SLC25A48: variants seen among roughly 807,000 people sequenced by gnomAD.
SLC25A48 encodes the protein CTC-321K16.1.
SLC25A48 carries 29 observed loss-of-function variants against 32.2 expected under a neutral mutation model. That is an observed-to-expected ratio of 0.90 (90% CI 0.67 to 1.23). The LOEUF (loss-of-function observed/expected upper bound fraction) is 1.23, where lower values mean the gene tolerates loss of function less well. SLC25A48 is among the 50% of genes most tolerant of loss of function. SLC25A48 has a pLI of 0.00. For synonymous variants in SLC25A48, 164 were observed against 172.3 expected (o/e 0.95, Z 0.38); for missense variants, 399 against 422.7 (o/e 0.94, Z 0.49).
At chr5:135,750,528 T>C (rs1305965707) in intron 3 of SLC25A48, among the ~76,000 whole-genome samples, 1 of 152,062 alleles carries the variant, frequency 6.6e-6, no homozygotes, top group African/African-American at 2.4e-5. Context: ...CCATATTCTC[T>C]CCGTCAAAGC....
intron 4 of SLC25A48, among the ~76,000 whole-genome samples, chr5:135,861,441 C>T (rs1760789003): frequency 6.6e-6 from 1 of 152,136 alleles, no homozygotes; most frequent in South Asian, 2.1e-4. Flanking sequence ...TTAGACAGCT[C>T]ACCTAATGTC....
At chr5:135,764,179 GT>G (rs1196066052) in intron 3 of SLC25A48, among the ~76,000 whole-genome samples, 1 of 151,996 alleles carries the variant, frequency 6.6e-6, no homozygotes, top group Non-Finnish European at 1.5e-5. Flanking sequence ...ATGGCAGGGG[GT>G]GTACATCCCC....
chr5:135,861,313 G>GCA (rs10561751), intron 4 of SLC25A48, among the ~76,000 whole-genome samples: 16,575 of 145,624 alleles, frequency 0.11, 1,101 homozygotes, highest in East Asian at 0.16. Flanking sequence ...AAATACACAC[G>GCA]CACACACACA....
chr5:135,632,010 C>T (rs1157996870), intron 2 of SLC25A48, among the ~76,000 whole-genome samples: 6 of 152,196 alleles, frequency 3.9e-5, no homozygotes, highest in East Asian at 1.9e-4. Flanking sequence ...CTTCAGAGCC[C>T]CTCTACCTAT....
chr5:135,676,345 G>A (rs574417767), intron 3 of SLC25A48, among the ~76,000 whole-genome samples: 10 of 151,728 alleles, frequency 6.6e-5, no homozygotes, highest in East Asian at 1.9e-4. Context: ...TTTATTTTCC[G>A]ATTTTATTTA....
rs1365648625 is a variant in SLC25A48 at position 135,782,503 on chromosome 5, C to T, written c.-520-30020C>T. Among the ~76,000 whole-genome samples, 3 of 116,018 alleles carry T rather than the reference C, an allele frequency of 2.6e-5. 1 individual carries two copies. Among genetic ancestry groups the T allele is most frequent in the Non-Finnish European group, 2.1e-5 (1 of 47,030 alleles). 76.1% of individuals were successfully genotyped at this position (116,018 alleles called of 152,430 possible). On this transcript the variant is annotated intron_variant, in intron 3 of 10. Coordinates refer to the SLC25A48 transcript ENST00000646290. ...ATATTGCAGGGTGTGTACAACATCC[C>T]TGAGATTTTATTCCTAATATCCAGG...
intron 1 of SLC25A48, among the ~76,000 whole-genome samples, chr5:135,835,675 T>TTG (rs2126678354): frequency 9.7e-6 from 1 of 102,616 alleles, no homozygotes; most frequent in East Asian, 2.5e-4. Flanking sequence ...ACTTTGCTAA[T>TTG]TGTAAAAAAA....
intron 4 of SLC25A48, among the ~76,000 whole-genome samples, chr5:135,857,356 AG>A (rs1216294357): frequency 6.6e-6 from 1 of 152,216 alleles, no homozygotes; most frequent in Non-Finnish European, 1.5e-5. Flanking sequence ...GCCTCCAAGC[AG>A]GGTGCACAGC....
intron 3 of SLC25A48, among the ~76,000 whole-genome samples, chr5:135,731,483 A>G (rs143627741): frequency 0.01 from 1,539 of 152,252 alleles, 35 homozygotes; most frequent in African/African-American, 0.035. Context: ...GATAATGGGC[A>G]ATGTTTCTTG....
At chr5:135,883,128 G>GAGAA in intron 7 of SLC25A48, 1 of 985,490 alleles carries the variant, frequency 1.0e-6, no homozygotes, top group Non-Finnish European at 1.2e-6. Context: ...ATTTACTGAA[G>GAGAA]AGAAAGACTC....
chr5:135,593,990 C>A (rs1398183276), intron 1 of SLC25A48, among the ~76,000 whole-genome samples: 1 of 152,180 alleles, frequency 6.6e-6, no homozygotes, highest in Non-Finnish European at 1.5e-5. Context: ...TCTTGTTTAC[C>A]TGGCACAGTA....
intron 3 of SLC25A48, among the ~76,000 whole-genome samples, chr5:135,708,703 T>C (rs1580802920): frequency 6.6e-6 from 1 of 152,162 alleles, no homozygotes; most frequent in South Asian, 2.1e-4. Flanking sequence ...GAAGAAGTGG[T>C]TGCTGTGAGC....
chr5:135,653,169 G>C (rs1364782204), intron 3 of SLC25A48, among the ~76,000 whole-genome samples: 1 of 152,162 alleles, frequency 6.6e-6, no homozygotes, highest in Non-Finnish European at 1.5e-5. Context: ...ATAAATTTCT[G>C]TTCTTTATAA....
chr5:135,625,729 G>A (rs973135350), intron 1 of SLC25A48, among the ~76,000 whole-genome samples: 1 of 152,114 alleles, frequency 6.6e-6, no homozygotes, highest in African/African-American at 2.4e-5. Context: ...AGGTAGAACA[G>A]GGGGAAGAAG....
chr5:135,804,700 T>C (rs1000638209), intron 3 of SLC25A48, among the ~76,000 whole-genome samples: 8 of 151,614 alleles, frequency 5.3e-5, no homozygotes, highest in African/African-American at 1.9e-4. Flanking sequence ...GTACAGTCTG[T>C]GATATTATTC....
At chr5:135,885,465 T>A (rs1347781418) in intron 7 of SLC25A48, among the ~76,000 whole-genome samples, 1 of 152,176 alleles carries the variant, frequency 6.6e-6, no homozygotes, top group Middle Eastern at 3.2e-3. Context: ...CCAGCTCAGA[T>A]GCTTTAAGCC....
chr5:135,620,357 A>G (rs967941255), intron 1 of SLC25A48, among the ~76,000 whole-genome samples: 2 of 152,030 alleles, frequency 1.3e-5, no homozygotes, highest in African/African-American at 4.8e-5. Context: ...CCTTCGGGCC[A>G]CCCAGTGGTA....
rs1019702213 is a variant in SLC25A48 at position 135,629,003 on chromosome 5, C to T, written c.-848-234C>T. On this transcript the variant is annotated intron_variant, in intron 1 of 10. Coordinates refer to the SLC25A48 transcript ENST00000646290. This position sits in a 1 kb window ranked among gnomAD's most constrained non-coding sequence, Gnocchi z 4.8. ...TGGGGCCAGGAAGCTGCAGCTGGTG[C>T]TAGGTTAATTTCCAGAATTAGGCTA... Among the ~76,000 whole-genome samples the T allele has an allele frequency of 6.6e-6, 1 of 152,178 alleles. No individual in the cohort carries two copies.
At chr5:135,846,657 C>G (rs1759447807) in intron 2 of SLC25A48, among the ~76,000 whole-genome samples, 1 of 152,112 alleles carries the variant, frequency 6.6e-6, no homozygotes. Flanking sequence ...TCACAGCACC[C>G]CTGACATGAA....
Sources: gnomAD v4.1 joint callset for allele counts (sites outside exome capture counted in the v4.1 genomes callset) on GRCh38, gnomAD v4.1.1 for gene constraint, Gnocchi (gnomAD v3.1) non-coding constraint, MANE v1.5 for transcripts, NCBI Gene and HGNC (gene_info 2026-07-23, HGNC 2026-07-21) for gene names.